PACS1: variants seen among roughly 807,000 people sequenced by gnomAD.
PACS1 encodes the protein PACS-1.
Under a neutral mutation model 115.0 loss-of-function variants are expected in PACS1, and 24 were observed. The ratio of observed to expected loss-of-function variants is 0.21; its 90% CI spans 0.15 to 0.29. The LOEUF is 0.29. Among genes scored for constraint, PACS1 ranks in the 10% least tolerant of loss-of-function variants. The probability of loss-of-function intolerance (pLI) is 1.00; values close to 1 mark genes in which losing one functional copy is unlikely to be tolerated. For synonymous variants in PACS1, 453 were observed against 504.5 expected (o/e 0.90, Z 1.37); for missense variants, 838 against 1,251.2 (o/e 0.67, Z 4.98).
chr11:66,221,262 G>T lies in PACS1; in HGVS notation c.1293+15G>T. 2 of 1,611,176 alleles carry T rather than the reference G, an allele frequency of 1.2e-6. No homozygotes were observed. Among genetic ancestry groups the T allele is most frequent in the Non-Finnish European group, 1.7e-6 (2 of 1,177,330 alleles). On this transcript the variant is annotated intron_variant, in intron 10 of 23. Transcript: ENST00000320580. ...CCACCAGCCCTGTGAGCGCAACCGC[G>T]ACTGCGGGGCGGGGTGGGACCGTGG...
intron 1 of PACS1, among the ~76,000 whole-genome samples, chr11:66,116,895 CAA>C (rs35315695): frequency 2.7e-5 from 4 of 147,652 alleles, no homozygotes; most frequent in Non-Finnish European, 3.0e-5. Flanking sequence ...ATCTCAAAAA[CAA>C]AAAAAAAAAC....
At chr11:66,164,619 A>ATT (rs1333937163) in intron 1 of PACS1, among the ~76,000 whole-genome samples, 2 of 94,914 alleles carry the variant, frequency 2.1e-5, no homozygotes, top group African/African-American at 7.6e-5. Flanking sequence ...ATATATATGT[A>ATT]TTTTTTTTTT....
chr11:66,184,255 G>A (rs553181273), intron 1 of PACS1, among the ~76,000 whole-genome samples: 1 of 150,392 alleles, frequency 6.6e-6, no homozygotes, highest in Non-Finnish European at 1.5e-5. Context: ...GGAGGCTGCG[G>A]TGAGCCGAGA....
chr11:66,103,529 T>A (rs1857967617), intron 1 of PACS1, among the ~76,000 whole-genome samples: 1 of 148,080 alleles, frequency 6.8e-6, no homozygotes, highest in Admixed American at 6.7e-5. Flanking sequence ...TTTTTTTTTT[T>A]TTTTTTTTTT....
At chr11:66,073,246 TAG>T (rs1857342075) in intron 1 of PACS1, among the ~76,000 whole-genome samples, 1 of 152,252 alleles carries the variant, frequency 6.6e-6, no homozygotes, top group Middle Eastern at 3.2e-3. Context: ...TTCCAATTAT[TAG>T]AGTCATCTGG....
intron 22 of PACS1, among the ~76,000 whole-genome samples, chr11:66,242,305 T>G (rs968540030): frequency 6.6e-6 from 1 of 152,202 alleles, no homozygotes; most frequent in African/African-American, 2.4e-5. Flanking sequence ...CCCCGCCTCC[T>G]TTGGGTGCTG....
intron 1 of PACS1, among the ~76,000 whole-genome samples, chr11:66,188,982 T>C (rs1434631469): frequency 6.6e-6 from 1 of 152,206 alleles, no homozygotes. Context: ...GTGTGCATCA[T>C]GTCTTGACTA....
At chr11:66,096,010 C>T (rs1857771841) in intron 1 of PACS1, among the ~76,000 whole-genome samples, 1 of 151,712 alleles carries the variant, frequency 6.6e-6, no homozygotes, top group Non-Finnish European at 1.5e-5. Context: ...TCTGAGTTCA[C>T]TGCAACCTCC....
intron 11 of PACS1, among the ~76,000 whole-genome samples, chr11:66,228,784 G>A (rs552697673): frequency 3.9e-5 from 6 of 152,290 alleles, no homozygotes; most frequent in East Asian, 1.9e-4. Context: ...ATGCTGGAAC[G>A]TTCTGTCTTG....
intron 1 of PACS1, among the ~76,000 whole-genome samples, chr11:66,129,303 G>C (rs549467464): frequency 6.6e-6 from 1 of 151,340 alleles, no homozygotes; most frequent in Admixed American, 6.6e-5. Flanking sequence ...GTGGTGGCGC[G>C]CACTTGTAAT....
intron 1 of PACS1, among the ~76,000 whole-genome samples, chr11:66,150,487 C>T (rs1859210942): frequency 6.6e-6 from 1 of 150,514 alleles, no homozygotes; most frequent in African/African-American, 2.4e-5. Flanking sequence ...AAAAAAGAAA[C>T]ATTTTAAGCC....
intron 1 of PACS1, among the ~76,000 whole-genome samples, chr11:66,186,036 G>A (rs1854357770): frequency 6.6e-6 from 1 of 152,126 alleles, no homozygotes; most frequent in Non-Finnish European, 1.5e-5. Context: ...GGAGGCCGAG[G>A]CAGGAGGATC....
At chr11:66,227,792 G>A (rs1483603864) in intron 11 of PACS1, among the ~76,000 whole-genome samples, 6 of 152,120 alleles carry the variant, frequency 3.9e-5, no homozygotes, top group Admixed American at 3.9e-4. Flanking sequence ...CTCAAACTTA[G>A]TATACCAGAA....
At position 66,070,411 on chromosome 11, in the gene PACS1, C is replaced by T. The variant is rs1857286165; in HGVS notation, c.-76C>T. 1.0e-6 allele frequency: 1 copy of T among 963,188 alleles called. No homozygotes were observed. Among genetic ancestry groups the T allele is most frequent in the Admixed American group, 4.6e-5 (1 of 21,738 alleles). The allele number at this position is 963,188 out of a possible 1,614,324, so 59.7% of individuals were successfully genotyped here. ...GGCTGAGGAGGCTGCCGCGCCCCCG[C>T]CGCCGCCGCCGCGGGGGAAGCCTGG... On this transcript the variant is annotated 5_prime_UTR_variant, in exon 1 of 24. Transcript: ENST00000320580. The surrounding 1 kb of genome is among the most constrained non-coding windows in gnomAD (Gnocchi z 5.9).
At chr11:66,144,694 C>T (rs551483531) in intron 1 of PACS1, among the ~76,000 whole-genome samples, 4 of 152,298 alleles carry the variant, frequency 2.6e-5, no homozygotes, top group African/African-American at 9.6e-5. Context: ...AGTGCAGTGG[C>T]ACAATCTCGG....
intron 1 of PACS1, among the ~76,000 whole-genome samples, chr11:66,176,487 C>T (rs1348452452): frequency 1.3e-5 from 2 of 150,130 alleles, no homozygotes; most frequent in Admixed American, 1.3e-4. Context: ...GATCTCGGCT[C>T]ACTGCAACGT....
chr11:66,216,928 G>A (rs1195191435), intron 7 of PACS1, 153 bp downstream of exon 7: 4 of 622,948 alleles, frequency 6.4e-6, no homozygotes, highest in East Asian at 2.9e-5. Context: ...CCTCACCACC[G>A]CCCAATTAGA....
chr11:66,225,027 G>A (rs1248327204), intron 10 of PACS1, among the ~76,000 whole-genome samples: 1 of 152,182 alleles, frequency 6.6e-6, no homozygotes, highest in African/African-American at 2.4e-5. Context: ...ACATAATTTG[G>A]TTCTCCAAGC....
chr11:66,139,124 C>T (rs1460327807), intron 1 of PACS1, among the ~76,000 whole-genome samples: 1 of 152,142 alleles, frequency 6.6e-6, no homozygotes, highest in Non-Finnish European at 1.5e-5. Context: ...AAACATCATG[C>T]TACTGTTTAC....
Sources: gnomAD v4.1 joint callset for allele counts (sites outside exome capture counted in the v4.1 genomes callset) on GRCh38, gnomAD v4.1.1 for gene constraint, Gnocchi (gnomAD v3.1) non-coding constraint, MANE v1.5 for transcripts, NCBI Gene and HGNC (gene_info 2026-07-23, HGNC 2026-07-21) for gene names.